FGGY: variants seen among roughly 807,000 people sequenced by gnomAD.
The protein encoded by FGGY is FGGY carbohydrate kinase domain-containing protein.
In FGGY, 72 loss-of-function variants were observed where a neutral mutation model predicts 71.3. The ratio of observed to expected loss-of-function variants is 1.01; its 90% CI spans 0.84 to 1.23. The LOEUF (loss-of-function observed/expected upper bound fraction) is 1.23, where lower values mean the gene tolerates loss of function less well. Among genes scored for constraint, FGGY ranks in the 50% most tolerant of loss-of-function variants. The probability of loss-of-function intolerance (pLI) is 0.00; values close to 1 mark genes in which losing one functional copy is unlikely to be tolerated. For synonymous variants in FGGY, 251 were observed against 250.3 expected (o/e 1.00, Z -0.02); for missense variants, 668 against 682.3 (o/e 0.98, Z 0.23).
chr1:59,600,767 GTCAGCAAATGACC>G lies in FGGY; in HGVS notation c.904-7034_904-7022del, dbSNP rs796257462. ...GACAGATAAGGAAACTGAGTCTCAGGTCAGCAAATGACCTAACCAGAAATATCCAAGTTTGTCA... is the reference window on the plus strand; with the variant it reads ...GACAGATAAGGAAACTGAGTCTCAGGTAACCAGAAATATCCAAGTTTGTCA... On this transcript the variant is annotated intron_variant, in intron 8 of 15. Transcript: ENST00000303721. Among the ~76,000 whole-genome samples, 98 of 152,278 alleles carry G rather than the reference GTCAGCAAATGACC, an allele frequency of 6.4e-4. 2 individuals carry two copies. The highest frequency in any genetic ancestry group is 2.2e-3 in the African/African-American group (91 of 41,540).
At chr1:59,370,743 G>T (rs1243270297) in intron 4 of FGGY, among the ~76,000 whole-genome samples, 165 of 151,428 alleles carry the variant, frequency 1.1e-3, no homozygotes, top group Middle Eastern at 3.4e-3. Flanking sequence ...GAGAGTGGGG[G>T]CCAATATTCA....
intron 7 of FGGY, among the ~76,000 whole-genome samples, chr1:59,533,337 C>T (rs2095213659): frequency 6.6e-6 from 1 of 152,244 alleles, no homozygotes; most frequent in Admixed American, 6.5e-5. Context: ...CCGCACCTGG[C>T]TCGGAGGGTC....
rs114601020 is a variant in FGGY at position 59,674,073 on chromosome 1, C to T, written c.1452C>T (p.Ser484=). ...TGGTCCTGTCGCAAGAGGTGGAGTC[C>T]GTTCTTGTGGGTGCTGCTGTTCTGG... ...MPVVLSQEVE[S]VLVGAAVLGA... is the part of the protein sequence containing the mutation. The change falls in exon 14 of 16, where the codon TCC becomes TCT. Residue 484 remains serine, a synonymous_variant. Transcript: ENST00000303721. 188 of 1,613,990 alleles carry T rather than the reference C, an allele frequency of 1.2e-4. No individual in the cohort carries two copies. Among genetic ancestry groups the T allele is most frequent in the Non-Finnish European group, 1.5e-4 (175 of 1,179,948 alleles).
intron 5 of FGGY, among the ~76,000 whole-genome samples, chr1:59,395,141 T>C (rs1466182883): frequency 1.3e-5 from 2 of 152,134 alleles, no homozygotes; most frequent in African/African-American, 2.4e-5. Flanking sequence ...TAATTATTTC[T>C]TGACATACAT....
At chr1:59,377,739 G>A (rs948944830) in intron 4 of FGGY, among the ~76,000 whole-genome samples, 2 of 152,172 alleles carry the variant, frequency 1.3e-5, no homozygotes, top group Non-Finnish European at 2.9e-5. Flanking sequence ...ATGGTGGTGT[G>A]TAGGGTTAAC....
chr1:59,595,737 G>T (rs72666251), intron 8 of FGGY, among the ~76,000 whole-genome samples: 14,997 of 152,040 alleles, frequency 0.099, 885 homozygotes, highest in South Asian at 0.3. Flanking sequence ...CTCTATTTAA[G>T]CCACTCTCAC....
intron 6 of FGGY, among the ~76,000 whole-genome samples, chr1:59,469,766 A>G (rs1247568948): frequency 6.6e-6 from 1 of 151,796 alleles, no homozygotes; most frequent in East Asian, 1.9e-4. Context: ...CACCCTCCCA[A>G]AGGACCCAGT....
At chr1:59,715,374 A>G (rs888793831) in intron 14 of FGGY, among the ~76,000 whole-genome samples, 47 of 152,226 alleles carry the variant, frequency 3.1e-4, no homozygotes, top group Non-Finnish European at 5.6e-4. Flanking sequence ...TCAGGATTCA[A>G]AGGCAAAAAG....
intron 7 of FGGY, among the ~76,000 whole-genome samples, chr1:59,521,143 A>G (rs573598037): frequency 3.9e-5 from 6 of 152,284 alleles, no homozygotes; most frequent in Non-Finnish European, 4.4e-5. Context: ...GAGTTCCTGG[A>G]TGTGAATCAC....
rs1049588715 is a variant in FGGY, at chr1:59,589,202, A to C, written c.904-18601A>C. On this transcript the variant is annotated intron_variant, in intron 8 of 15. Coordinates refer to ENST00000303721, the MANE Select transcript of FGGY (RefSeq NM_018291.5). Reference sequence around the variant, plus strand: ...TCAAAAGAGACAAAGAAGGCCATTAAATAATGGTAAAGGGATCAATTCAAC... The same window carrying C: ...TCAAAAGAGACAAAGAAGGCCATTACATAATGGTAAAGGGATCAATTCAAC... 3.8e-4 allele frequency among the ~76,000 whole-genome samples: 57 copies of C among 151,340 alleles called. 1 individual carries two copies. The highest frequency in any genetic ancestry group is 8.7e-4 in the South Asian group (4 of 4,606).
chr1:59,526,505 G>A (rs1237834689), intron 7 of FGGY, among the ~76,000 whole-genome samples: 1 of 152,184 alleles, frequency 6.6e-6, no homozygotes, highest in African/African-American at 2.4e-5. Flanking sequence ...TCTGTATTCA[G>A]AAAAATCCTA....
chr1:59,565,475 G>A (rs901503967), intron 8 of FGGY, among the ~76,000 whole-genome samples: 2 of 152,116 alleles, frequency 1.3e-5, no homozygotes, highest in Admixed American at 1.3e-4. Context: ...TAGTAGAGAC[G>A]GGGTTTCACC....
intron 11 of FGGY, among the ~76,000 whole-genome samples, chr1:59,649,128 T>C (rs1428582298): frequency 3.3e-5 from 5 of 152,076 alleles, no homozygotes; most frequent in Admixed American, 6.5e-5. Flanking sequence ...TTGGTACCAG[T>C]ACCATGCTGT....
intron 7 of FGGY, among the ~76,000 whole-genome samples, chr1:59,516,460 T>C (rs548654559): frequency 6.6e-6 from 1 of 152,356 alleles, no homozygotes; most frequent in Admixed American, 6.5e-5. Flanking sequence ...AGCTAATCCC[T>C]GAGACATATT....
intron 5 of FGGY, among the ~76,000 whole-genome samples, chr1:59,393,581 TC>T (rs886080005): frequency 7.3e-5 from 11 of 151,420 alleles, no homozygotes; most frequent in African/African-American, 2.7e-4. Flanking sequence ...TCCCACCCCA[TC>T]CCCCTCCTCT....
At chr1:59,381,602 G>A (rs985027513) in intron 5 of FGGY, among the ~76,000 whole-genome samples, 7 of 150,782 alleles carry the variant, frequency 4.6e-5, no homozygotes, top group African/African-American at 1.7e-4. Flanking sequence ...GTTATTGACT[G>A]GAATGTCATT....
chr1:59,314,940 T>C (rs939392240), intron 1 of FGGY, among the ~76,000 whole-genome samples: 19 of 152,186 alleles, frequency 1.2e-4, no homozygotes, highest in African/African-American at 4.3e-4. Context: ...GATGTTGTTT[T>C]CTCATGTTCT....
chr1:59,705,401 A>G (rs778558421), intron 14 of FGGY, among the ~76,000 whole-genome samples: 3 of 152,162 alleles, frequency 2.0e-5, no homozygotes, highest in Non-Finnish European at 2.9e-5. Flanking sequence ...TTATGTGCCC[A>G]AGAGTTTTAG....
intron 7 of FGGY, among the ~76,000 whole-genome samples, chr1:59,551,564 A>G (rs2095608845): frequency 6.6e-6 from 1 of 152,068 alleles, no homozygotes; most frequent in African/African-American, 2.4e-5. Flanking sequence ...AGATTTTGAG[A>G]TGTACAGATA....
Sources: gnomAD v4.1 joint callset for allele counts (sites outside exome capture counted in the v4.1 genomes callset) on GRCh38, gnomAD v4.1.1 for gene constraint, MANE v1.5 for transcripts, NCBI Gene and HGNC (gene_info 2026-07-23, HGNC 2026-07-21) for gene names.